Variants in BCL7B observed in about 807,000 individuals in gnomAD.
BCL7B encodes BAF chromatin remodeling complex subunit BCL7B.
In BCL7B, 11 loss-of-function variants were observed where a neutral mutation model predicts 26.5. The observed-to-expected ratio is 0.42, with a 90% confidence interval of 0.26 to 0.69. BCL7B has a LOEUF of 0.69. Ranked by LOEUF, BCL7B falls within the 30% of genes least tolerant of loss-of-function variation. The probability of loss-of-function intolerance (pLI) is 0.28; values close to 1 mark genes in which losing one functional copy is unlikely to be tolerated. For missense variants in BCL7B, 215 were observed against 264.4 expected (o/e 0.81, Z 1.30); for synonymous variants, 111 against 107.9 (o/e 1.03, Z -0.18).
chr7:73,540,435 T>C (rs1791712410), intron 3 of BCL7B: 1 of 188,432 alleles, frequency 5.3e-6, no homozygotes, highest in Admixed American at 5.2e-5. Context: ...TGGTGGTGTC[T>C]GAAGGTGGTG....
chr7:73,543,559 A>C lies in BCL7B; in HGVS notation c.254T>G (p.Leu85Arg). 1 of 1,613,488 alleles carries C rather than the reference A, an allele frequency of 6.2e-7. No individual in the cohort carries two copies. Among genetic ancestry groups the C allele is most frequent in the Non-Finnish European group, 8.5e-7 (1 of 1,179,578 alleles). Reference sequence around the variant, plus strand: ...GAGATGCAACTCACCCTGGAATTCAAGAAGGAGAGAGGAATTGGCTGAGGC... The same window carrying C: ...GAGATGCAACTCACCCTGGAATTCACGAAGGAGAGAGGAATTGGCTGAGGC... ...SDASANSSLL[L>R]EFQDENSNQS... The change falls in exon 3 of 6, where the codon CTT becomes CGT. Residue 85 changes from leucine (L) to arginine (R), a missense_variant. Transcript: ENST00000223368.
intron 1 of BCL7B, chr7:73,557,208 C>T (rs979826782): frequency 4.1e-5 from 43 of 1,050,828 alleles, no homozygotes; most frequent in East Asian, 1.4e-4. Flanking sequence ...CGACGCCAGG[C>T]AGCTCCAGTC....
At chr7:73,548,439 A>G (rs569234814) in intron 2 of BCL7B, among the ~76,000 whole-genome samples, 4 of 152,142 alleles carry the variant, frequency 2.6e-5, no homozygotes, top group South Asian at 4.1e-4. Context: ...AAAAAACAAA[A>G]CAAAATAAGG....
In BCL7B at chr7:73,557,589, G is replaced by T; in HGVS notation, c.-11C>A. The T allele has an allele frequency of 7.7e-7, 1 of 1,291,662 alleles. No individual in the cohort carries two copies. Among genetic ancestry groups the T allele is most frequent in the Non-Finnish European group, 9.9e-7 (1 of 1,005,900 alleles). 80.0% of individuals were successfully genotyped at this position (1,291,662 alleles called of 1,614,324 possible). A position where few individuals can be genotyped will look rare whatever the true frequency, so the allele number is the denominator to read the frequency against. ...CGACCGGCCCGACATGGCGGCGGCG[G>T]GAGCGGCGGGGGCCGGGGCACTGCT... On this transcript the variant is annotated 5_prime_UTR_variant, in exon 1 of 6. Coordinates refer to ENST00000223368, the MANE Select transcript of BCL7B (RefSeq NM_001707.4).
chr7:73,545,131 G>C (rs1791906138), intron 2 of BCL7B, among the ~76,000 whole-genome samples: 1 of 151,842 alleles, frequency 6.6e-6, no homozygotes, highest in Non-Finnish European at 1.5e-5. Flanking sequence ...AATCTGAGTA[G>C]CCTCAAATTT....
chr7:73,537,601 A>G (rs1554582298), intron 5 of BCL7B, among the ~76,000 whole-genome samples: 1 of 152,168 alleles, frequency 6.6e-6, no homozygotes, highest in Non-Finnish European at 1.5e-5. Context: ...GAAACTGGGA[A>G]GCCTGGCCGG....
chr7:73,541,720 G>A (rs1309988460), intron 3 of BCL7B, among the ~76,000 whole-genome samples: 2 of 152,120 alleles, frequency 1.3e-5, no homozygotes, highest in African/African-American at 4.8e-5. Context: ...ACCTGCCTCA[G>A]CCTCCCAAAG....
intron 4 of BCL7B, 46 bp downstream of exon 4, chr7:73,539,836 A>T (rs1554582592): frequency 1.3e-6 from 2 of 1,596,796 alleles, no homozygotes; most frequent in Admixed American, 1.7e-5. Context: ...AAGAGCAGAA[A>T]GCAAGGCCCT....
intron 4 of BCL7B, among the ~76,000 whole-genome samples, chr7:73,539,022 C>T (rs980377984): frequency 1.3e-5 from 2 of 152,000 alleles, no homozygotes; most frequent in Non-Finnish European, 2.9e-5. Flanking sequence ...TGCCCTGGTG[C>T]GATCTTGGCT....
chr7:73,546,443 G>T (rs1359968229), intron 2 of BCL7B, among the ~76,000 whole-genome samples: 4 of 152,150 alleles, frequency 2.6e-5, no homozygotes, highest in African/African-American at 9.7e-5. Flanking sequence ...AAGGTAGGCA[G>T]ATCACTTGAG....
intron 4 of BCL7B, among the ~76,000 whole-genome samples, chr7:73,539,443 G>T (rs111623485): frequency 9.2e-5 from 14 of 151,708 alleles, no homozygotes; most frequent in African/African-American, 3.4e-4. Context: ...TAGTAGAGAC[G>T]GTTTTGCCAT....
chr7:73,544,021 G>GC lies in BCL7B; in HGVS notation c.169-378_169-377insG, dbSNP rs532633598. 24 of 173,480 alleles carry GC rather than the reference G, an allele frequency of 1.4e-4. No individual in the cohort carries two copies. In the East Asian group the frequency reaches 2.7e-3, roughly 20 times the overall value. 10.7% of individuals were successfully genotyped at this position (173,480 alleles called of 1,614,324 possible). A position where few individuals can be genotyped will look rare whatever the true frequency, so the allele number is the denominator to read the frequency against. ...GAAAGATTCCTGTTTCAGTAGCAGA[G>GC]TGGGGAAAAAGTGAGAGAAGAAGGA... On this transcript the variant is annotated intron_variant, in intron 2 of 5. Transcript: ENST00000223368.
At chr7:73,557,440 G>T (rs1554584879) in intron 1 of BCL7B, 47 bp downstream of exon 1, 1 of 1,290,536 alleles carries the variant, frequency 7.7e-7, no homozygotes, top group Non-Finnish European at 1.0e-6. Context: ...GCTCCTCAGG[G>T]CCTGGATCCG....
At chr7:73,542,978 T>C in intron 3 of BCL7B, 1 of 348,306 alleles carries the variant, frequency 2.9e-6, no homozygotes, top group Non-Finnish European at 5.9e-6. Flanking sequence ...AACCAGGACC[T>C]GACATGGAGT....
rs1425856222 is a variant in BCL7B at position 73,536,594 on chromosome 7, CAA to C, written c.*702_*703del. The C allele has an allele frequency of 3.3e-5, 5 of 152,488 alleles. No homozygotes were observed. Among genetic ancestry groups the C allele is most frequent in the South Asian group, 4.1e-4 (2 of 4,828 alleles). The allele number at this position is 152,488 out of a possible 1,614,324, so 9.4% of individuals were successfully genotyped here. ...AAATTCTTGCTGGGGCAGTTTGTGA[CAA>C]GAGGCAGGGATGCTGGAATGACAGG... On this transcript the variant is annotated 3_prime_UTR_variant, in exon 6 of 6. Transcript: ENST00000223368.
rs562565097 is a variant in BCL7B at position 73,540,020 on chromosome 7, C to A, written c.298G>T (p.Val100Phe). The A allele has an allele frequency of 6.2e-7, 1 of 1,613,978 alleles. No individual in the cohort carries two copies. Among genetic ancestry groups the A allele is most frequent in the Admixed American group, 1.7e-5 (1 of 59,962 alleles). The change falls in exon 4 of 6, where the codon GTC becomes TTC. Residue 100 changes from valine to phenylalanine, a missense_variant. Val to Phe is a conservative substitution (Grantham distance 50). Coordinates refer to ENST00000223368, the MANE Select transcript of BCL7B (RefSeq NM_001707.4). Reference protein sequence around the residue: ...ENSNQSSVSDVYQLKVDSSTN... With the variant: ...ENSNQSSVSDFYQLKVDSSTN... ...CTGCTGTCCACCTTAAGCTGATAGA[C>A]GTCAGACACGGAACTCTGGTTGCTG...
At chr7:73,554,581 T>G (rs1414727895) in intron 1 of BCL7B, among the ~76,000 whole-genome samples, 2 of 151,766 alleles carry the variant, frequency 1.3e-5, no homozygotes, top group Non-Finnish European at 2.9e-5. Flanking sequence ...GTGGATCACT[T>G]GAGCCCAGGA....
At chr7:73,552,606 C>A (rs1792217629) in intron 1 of BCL7B, among the ~76,000 whole-genome samples, 1 of 151,866 alleles carries the variant, frequency 6.6e-6, no homozygotes, top group South Asian at 2.1e-4. Flanking sequence ...TGGTGAAACT[C>A]TGTCGCTACA....
At chr7:73,548,595 C>T (rs915049806) in intron 2 of BCL7B, among the ~76,000 whole-genome samples, 3 of 151,592 alleles carry the variant, frequency 2.0e-5, no homozygotes, top group East Asian at 1.9e-4. Flanking sequence ...CCAGCCTGGG[C>T]GACAGATTGA....
Sources: allele counts gnomAD v4.1 joint callset (sites outside exome capture counted in the v4.1 genomes callset), GRCh38; gene constraint gnomAD v4.1.1; transcripts MANE v1.5; gene names NCBI Gene and HGNC (gene_info 2026-07-23, HGNC 2026-07-21).